TPRG1: variants seen among roughly 807,000 people sequenced by gnomAD.
The protein encoded by TPRG1 is tumor protein p63 regulated 1.
In TPRG1, 29 loss-of-function variants were observed where a neutral mutation model predicts 29.3. The ratio of observed to expected loss-of-function variants is 0.99; its 90% CI spans 0.74 to 1.35. The LOEUF is 1.35. Among genes scored for constraint, TPRG1 ranks in the 40% most tolerant of loss-of-function variants. TPRG1 has a pLI of 0.00. For synonymous variants in TPRG1, 130 were observed against 116.8 expected (o/e 1.11, Z -0.73); for missense variants, 327 against 335.0 (o/e 0.98, Z 0.19).
chr3:189,282,439 G>A (rs1000258152), intron 4 of TPRG1, among the ~76,000 whole-genome samples: 28 of 152,034 alleles, frequency 1.8e-4, no homozygotes, highest in African/African-American at 6.5e-4. Context: ...AGAGAGTGGG[G>A]GAGAGGGTAT....
chr3:189,267,057 G>A (rs1235348430), intron 4 of TPRG1, among the ~76,000 whole-genome samples: 4 of 152,042 alleles, frequency 2.6e-5, no homozygotes, highest in Admixed American at 6.6e-5. Context: ...TTTGGTCACA[G>A]ACCACATATA....
intron 4 of TPRG1, among the ~76,000 whole-genome samples, chr3:189,038,604 G>A (rs1249830620): frequency 1.3e-5 from 2 of 151,882 alleles, no homozygotes; most frequent in Non-Finnish European, 2.9e-5. Context: ...AAAGTATAAT[G>A]GGAAAAAAAT....
intron 4 of TPRG1, among the ~76,000 whole-genome samples, chr3:189,028,809 A>G (rs1356326726): frequency 1.3e-5 from 2 of 152,166 alleles, no homozygotes; most frequent in Non-Finnish European, 2.9e-5. Flanking sequence ...GTAGTAATGT[A>G]TTTCTACTGT....
intron 4 of TPRG1, among the ~76,000 whole-genome samples, chr3:189,253,317 G>A (rs1235601250): frequency 1.3e-5 from 2 of 152,068 alleles, no homozygotes; most frequent in African/African-American, 4.8e-5. Flanking sequence ...AACCACTCAT[G>A]GGAGTTCTCA....
At chr3:189,077,392 ATAGT>A (rs895242451) in intron 4 of TPRG1, among the ~76,000 whole-genome samples, 28 of 152,206 alleles carry the variant, frequency 1.8e-4, no homozygotes, top group African/African-American at 5.5e-4. Flanking sequence ...TAACTAACTA[ATAGT>A]TAGGCAACTA....
chr3:189,207,304 T>C, intron 1 of TPRG1, 72 bp from the exon 2 acceptor site: 1 of 1,552,896 alleles, frequency 6.4e-7, no homozygotes, highest in South Asian at 1.2e-5. Context: ...CATCATATTC[T>C]GTTTTGCCAT....
chr3:189,305,574 G>A (rs1158066605), intron 4 of TPRG1, among the ~76,000 whole-genome samples: 1 of 152,152 alleles, frequency 6.6e-6, no homozygotes, highest in Non-Finnish European at 1.5e-5. Flanking sequence ...GGTCTGCTAT[G>A]ATGATTTAAA....
chr3:189,146,742 A>G (rs12496446), intron 3 of TPRG1, among the ~76,000 whole-genome samples: 47,529 of 152,008 alleles, frequency 0.31, 7,842 homozygotes, highest in Admixed American at 0.44. Flanking sequence ...GCTAATAAAT[A>G]AAAAAGTAAT....
At chr3:189,166,553 A>T (rs1030363602) in intron 5 of TPRG1, among the ~76,000 whole-genome samples, 3 of 152,228 alleles carry the variant, frequency 2.0e-5, no homozygotes, top group African/African-American at 7.2e-5. Flanking sequence ...TCAACTAGGG[A>T]AGTAACTCTC....
At chr3:189,235,234 T>TTC (rs1553928312) in intron 3 of TPRG1, among the ~76,000 whole-genome samples, 6 of 148,584 alleles carry the variant, frequency 4.0e-5, no homozygotes, top group Admixed American at 6.6e-5. Context: ...TTTTTTTTTT[T>TTC]CCAAAGGATC....
intron 1 of TPRG1, chr3:189,121,226 T>G (rs1721790456): frequency 1.3e-5 from 2 of 152,224 alleles, no homozygotes; most frequent in African/African-American, 4.8e-5. Flanking sequence ...TAATCTAATT[T>G]ACGTAACAGC....
chr3:189,242,075 G>A (rs1210812721), intron 4 of TPRG1, among the ~76,000 whole-genome samples: 1 of 151,984 alleles, frequency 6.6e-6, no homozygotes, highest in Non-Finnish European at 1.5e-5. Context: ...TTATTTTACT[G>A]TTAACAACGA....
At position 189,323,098 on chromosome 3, in the gene TPRG1, AT is replaced by A. The variant is rs1724455129; in HGVS notation, c.*2279del. On this transcript the variant is annotated 3_prime_UTR_variant, in exon 6 of 6. Coordinates refer to ENST00000345063, the MANE Select transcript of TPRG1 (RefSeq NM_198485.4). Reference sequence around the variant, plus strand: ...AACTTCTTATAGTTATAAATTTTCAATGATGGAATGGGTTGCTTCTTTAAAC... The same window carrying A: ...AACTTCTTATAGTTATAAATTTTCAAGATGGAATGGGTTGCTTCTTTAAAC... The A allele has an allele frequency of 6.6e-6, 1 of 152,122 alleles. No individual in the cohort carries two copies. The highest frequency in any genetic ancestry group is 1.5e-5 in the Non-Finnish European group (1 of 68,008). 9.4% of individuals were successfully genotyped at this position (152,122 alleles called of 1,614,324 possible).
At chr3:189,197,352 C>T (rs1286865652) in intron 1 of TPRG1, among the ~76,000 whole-genome samples, 1 of 152,136 alleles carries the variant, frequency 6.6e-6, no homozygotes, top group African/African-American at 2.4e-5. Flanking sequence ...ACATCTTTAG[C>T]CTTGCGTGTT....
At position 189,197,775 on chromosome 3, in the gene TPRG1, A is replaced by G. The variant is rs143117537; in HGVS notation, c.-9-9601A>G. On this transcript the variant is annotated intron_variant, in intron 1 of 5. Transcript: ENST00000345063. ...GATTAAGTGGATATGTTTCTAACCAAAACCAAACACATAAACAAGAAAGAA... is the reference window on the plus strand; with the variant it reads ...GATTAAGTGGATATGTTTCTAACCAGAACCAAACACATAAACAAGAAAGAA... 8.3e-3 allele frequency among the ~76,000 whole-genome samples: 1,266 copies of G among 152,356 alleles called. 12 individuals carry two copies. Among genetic ancestry groups the G allele is most frequent in the Non-Finnish European group, 0.014 (967 of 68,036 alleles).
intron 3 of TPRG1, among the ~76,000 whole-genome samples, chr3:189,231,377 T>G (rs1042104120): frequency 6.6e-6 from 1 of 151,990 alleles, no homozygotes; most frequent in Non-Finnish European, 1.5e-5. Flanking sequence ...AAAACTATTA[T>G]AGGCTTGAGG....
At chr3:189,036,878 A>T (rs1714302587) in intron 4 of TPRG1, among the ~76,000 whole-genome samples, 1 of 151,904 alleles carries the variant, frequency 6.6e-6, no homozygotes. Context: ...ATCATTTTTT[A>T]AAAATTCCAG....
At position 189,118,195 on chromosome 3, in the gene TPRG1, G is replaced by T. The variant is rs530952570; in HGVS notation, c.-743-8862G>T. ...GGCCTCAGATGGAGATGAGGAACTT[G>T]TTGGGAACTGGATTACAGGTCACTC... On this transcript the variant is annotated intron_variant, in intron 1 of 6. Transcript: ENST00000412373. 7.1e-4 allele frequency among the ~76,000 whole-genome samples: 108 copies of T among 152,296 alleles called. 1 individual carries two copies. Among genetic ancestry groups the T allele is most frequent in the African/African-American group, 2.5e-3 (106 of 41,582 alleles).
Position 189,321,508 on chromosome 3 carries a change from A to G in TPRG1, c.*688A>G, listed in dbSNP as rs1724316753. ...CTTAGCATTGTATTCCGATGCCCAGATGTCAAACTTGAAGCTCATTCTCTT... is the reference window on the plus strand; with the variant it reads ...CTTAGCATTGTATTCCGATGCCCAGGTGTCAAACTTGAAGCTCATTCTCTT... On this transcript the variant is annotated 3_prime_UTR_variant, in exon 6 of 6. Coordinates refer to ENST00000345063, the MANE Select transcript of TPRG1 (RefSeq NM_198485.4). 1 of 152,058 alleles carries G rather than the reference A, an allele frequency of 6.6e-6. No individual in the cohort carries two copies. The highest frequency in any genetic ancestry group is 2.1e-4 in the South Asian group (1 of 4,824). The allele number at this position is 152,058 out of a possible 1,614,324, so 9.4% of individuals were successfully genotyped here.
Sources: gnomAD v4.1 joint callset for allele counts (sites outside exome capture counted in the v4.1 genomes callset) on GRCh38, gnomAD v4.1.1 for gene constraint, MANE v1.5 for transcripts, NCBI Gene and HGNC (gene_info 2026-07-23, HGNC 2026-07-21) for gene names.